Variants in FUBP1 observed in about 807,000 individuals in gnomAD.
FUBP1 encodes far upstream element-binding protein 1.
FUBP1 carries 16 observed loss-of-function variants against 94.9 expected under a neutral mutation model. That is an observed-to-expected ratio of 0.17 (90% CI 0.11 to 0.26). The LOEUF (loss-of-function observed/expected upper bound fraction) is 0.26, where lower values mean the gene tolerates loss of function less well. Ranked by LOEUF, FUBP1 falls within the 10% of genes least tolerant of loss-of-function variation. The pLI is 1.00. For missense variants in FUBP1, 583 were observed against 808.6 expected, an observed-to-expected ratio of 0.72 and a Z score of 3.38; for synonymous variants, 279 against 254.9, an observed-to-expected ratio of 1.09 and a Z score of -0.90.
chr1:77,966,181 G>C (rs1372599590), intron 7 of FUBP1, among the ~76,000 whole-genome samples: 5 of 152,196 alleles, frequency 3.3e-5, no homozygotes, highest in Non-Finnish European at 7.3e-5. Context: ...AAAAATGAAG[G>C]CTGGTAGGTT....
chr1:77,969,665 C>T (rs1189552502), intron 2 of FUBP1, among the ~76,000 whole-genome samples: 2 of 151,934 alleles, frequency 1.3e-5, no homozygotes, highest in African/African-American at 4.8e-5. Context: ...TTCAATCTGG[C>T]ACAATCCTAA....
intron 18 of FUBP1, among the ~76,000 whole-genome samples, chr1:77,951,320 T>C (rs949493564): frequency 6.6e-6 from 1 of 152,204 alleles, no homozygotes; most frequent in African/African-American, 2.4e-5. Context: ...GGAAAGCTAA[T>C]AGTAAACACT....
Position 77,947,840 on chromosome 1 carries a change from A to G in FUBP1, c.*926T>C, listed in dbSNP as rs557916218. ...CATTTATGTTTCAATGGCAGATGCA[A>G]TGTAGCTATACTTTTTGCACACTAT... On this transcript the variant is annotated 3_prime_UTR_variant, in exon 20 of 20. Coordinates refer to ENST00000370768, the MANE Select transcript of FUBP1 (RefSeq NM_003902.5). The G allele has an allele frequency of 4.5e-4, 516 of 1,135,414 alleles. No individual in the cohort carries two copies. Among genetic ancestry groups the G allele is most frequent in the Non-Finnish European group, 5.5e-4 (497 of 905,156 alleles). 70.3% of individuals were successfully genotyped at this position (1,135,414 alleles called of 1,614,324 possible).
intron 1 of FUBP1, among the ~76,000 whole-genome samples, chr1:77,970,490 T>C (rs1267792428): frequency 6.6e-6 from 1 of 152,194 alleles, no homozygotes; most frequent in Non-Finnish European, 1.5e-5. Context: ...TCACTGAATA[T>C]TGAAAACCTG....
In FUBP1 at chr1:77,948,376, A is replaced by G. The variant is rs1429253133; in HGVS notation, c.*390T>C. On this transcript the variant is annotated 3_prime_UTR_variant, in exon 20 of 20. Transcript: ENST00000370768. ...TGCTAAGAAATTATGAATCCTTTAA[A>G]TACCCACATATCCAACTTACCGACA... The G allele has an allele frequency of 4.7e-6, 5 of 1,062,440 alleles. No homozygotes were observed. Among genetic ancestry groups the G allele is most frequent in the Non-Finnish European group, 5.7e-6 (5 of 873,556 alleles). The allele number at this position is 1,062,440 out of a possible 1,614,324, so 65.8% of individuals were successfully genotyped here. A position where few individuals can be genotyped will look rare whatever the true frequency, so the allele number is the denominator to read the frequency against.
At chr1:77,970,573 A>C (rs1410054766) in intron 1 of FUBP1, among the ~76,000 whole-genome samples, 1 of 152,238 alleles carries the variant, frequency 6.6e-6, no homozygotes, top group Non-Finnish European at 1.5e-5. Context: ...GCTGGGTTAA[A>C]CAAAACATGT....
chr1:77,976,526 G>A (rs1258686263), intron 1 of FUBP1, among the ~76,000 whole-genome samples: 1 of 150,480 alleles, frequency 6.6e-6, no homozygotes, highest in Middle Eastern at 3.4e-3. Flanking sequence ...ACAGGGTCTC[G>A]CTCTATGACC....
At chr1:77,951,250 A>G (rs1653407251) in intron 18 of FUBP1, among the ~76,000 whole-genome samples, 1 of 152,248 alleles carries the variant, frequency 6.6e-6, no homozygotes, top group Non-Finnish European at 1.5e-5. Flanking sequence ...ATATGCATCA[A>G]GAAAATTCAT....
rs1651764968 is a variant in FUBP1 at position 77,944,587 on chromosome 1, C to T, written c.*4179G>A. ...GCAGAAAATAAAAACAAGACATCCTCACTGATTAGTAAACTCTACATCATT... is the reference window on the plus strand; with the variant it reads ...GCAGAAAATAAAAACAAGACATCCTTACTGATTAGTAAACTCTACATCATT... On this transcript the variant is annotated 3_prime_UTR_variant, in exon 20 of 20. Coordinates refer to ENST00000370768, the MANE Select transcript of FUBP1 (RefSeq NM_003902.5). Among the ~76,000 whole-genome samples, 1 of 151,832 alleles carries T rather than the reference C, an allele frequency of 6.6e-6. No individual in the cohort carries two copies. Among genetic ancestry groups the T allele is most frequent in the East Asian group, 1.9e-4 (1 of 5,194 alleles).
intron 13 of FUBP1, 58 bp downstream of exon 13, chr1:77,963,516 G>T: frequency 1.0e-6 from 1 of 999,662 alleles, no homozygotes; most frequent in Non-Finnish European, 1.5e-6. Context: ...GACAGCAACA[G>T]AAAGTGTCCA....
At position 77,964,037 on chromosome 1, in the gene FUBP1, T is replaced by C. The variant is rs935859331; in HGVS notation, c.1041+25A>G. ...AATACTTTTCCATAAAAACAAAAAATGAAAATGTTAACTTTCTATCAAACC... is the reference window on the plus strand; with the variant it reads ...AATACTTTTCCATAAAAACAAAAAACGAAAATGTTAACTTTCTATCAAACC... On this transcript the variant is annotated intron_variant, in intron 12 of 19. Transcript: ENST00000370768. 6 of 1,350,442 alleles carry C rather than the reference T, an allele frequency of 4.4e-6. No homozygotes were observed. In the Admixed American group the frequency reaches 6.7e-5, roughly 15 times the overall value. The allele number at this position is 1,350,442 out of a possible 1,614,324, so 83.7% of individuals were successfully genotyped here.
rs567418704 is a variant in FUBP1 at position 77,946,712 on chromosome 1, A to G, written c.*2054T>C. Reference sequence around the variant, plus strand: ...ACTACTTCTTCAGTTCAATTAATAAATGCACCACTTTCCTAAAAGGTCATC... The same window carrying G: ...ACTACTTCTTCAGTTCAATTAATAAGTGCACCACTTTCCTAAAAGGTCATC... On this transcript the variant is annotated 3_prime_UTR_variant, in exon 20 of 20. Transcript: ENST00000370768. 2.0e-4 allele frequency: 41 copies of G among 207,134 alleles called. No homozygotes were observed. The highest frequency in any genetic ancestry group is 8.8e-4 in the African/African-American group (39 of 44,070). 12.8% of individuals were successfully genotyped at this position (207,134 alleles called of 1,614,324 possible). A position where few individuals can be genotyped will look rare whatever the true frequency, so the allele number is the denominator to read the frequency against.
At chr1:77,950,635 A>C (rs1483715984) in intron 18 of FUBP1, among the ~76,000 whole-genome samples, 1 of 152,168 alleles carries the variant, frequency 6.6e-6, no homozygotes, top group Non-Finnish European at 1.5e-5. Flanking sequence ...TAAAAAATTG[A>C]GAAGAGAGAG....
chr1:77,970,202 AATC>A (rs2102458761), intron 1 of FUBP1, among the ~76,000 whole-genome samples, 187 bp from the exon 2 acceptor site: 1 of 152,332 alleles, frequency 6.6e-6, no homozygotes, highest in East Asian at 1.9e-4. Flanking sequence ...TTAACATAAT[AATC>A]ATAAGATTAT....
At position 77,965,103 on chromosome 1, in the gene FUBP1, A is replaced by G. The variant is rs761098976; in HGVS notation, c.602T>C (p.Ile201Thr). 6.2e-7 allele frequency: 1 copy of G among 1,612,230 alleles called. No homozygotes were observed. The highest frequency in any genetic ancestry group is 8.5e-7 in the Non-Finnish European group (1 of 1,178,390). The change falls in exon 8 of 20, where the codon ATT becomes ACT. Residue 201 changes from isoleucine (I) to threonine (T), a missense_variant. Ile to Thr is a moderately conservative substitution (Grantham distance 89). Coordinates refer to ENST00000370768, the MANE Select transcript of FUBP1 (RefSeq NM_003902.5). ...TTTAATAGTTTCTCCCCCTTTTCCA[A>G]TGACTAATCCTGCCTTGCTAGCTGG... ...MIPASKAGLV[I>T]GKGGETIKQL...
At chr1:77,959,504 T>C (rs1555798) in intron 16 of FUBP1, among the ~76,000 whole-genome samples, 13,749 of 152,138 alleles carry the variant, frequency 0.09, 818 homozygotes, top group Admixed American at 0.18. Context: ...CTTAACACTC[T>C]GTTGGACTGT....
At chr1:77,967,767 A>T in intron 3 of FUBP1, 101 bp from the exon 4 acceptor site, 1 of 737,924 alleles carries the variant, frequency 1.4e-6, no homozygotes, top group Non-Finnish European at 2.2e-6. Context: ...ATCTCTCCCT[A>T]ATGCACAGAC....
At position 77,945,378 on chromosome 1, in the gene FUBP1, G is replaced by A; in HGVS notation, c.*3388C>T. ...AACTTAAGAAATTTAACAGTTCATG[G>A]AACATTTAAGATCAAGTGAATAGCA... On this transcript the variant is annotated 3_prime_UTR_variant, in exon 20 of 20. Transcript: ENST00000370768. 1 of 212,880 alleles carries A rather than the reference G, an allele frequency of 4.7e-6. No individual in the cohort carries two copies. Among genetic ancestry groups the A allele is most frequent in the Non-Finnish European group, 9.5e-6 (1 of 105,244 alleles). The allele number at this position is 212,880 out of a possible 1,614,324, so 13.2% of individuals were successfully genotyped here.
intron 16 of FUBP1, among the ~76,000 whole-genome samples, chr1:77,956,917 T>C (rs1654571761): frequency 6.6e-6 from 1 of 152,206 alleles, no homozygotes; most frequent in Non-Finnish European, 1.5e-5. Context: ...CTAAGTGACT[T>C]TCCTAGGTTA....
Sources: gnomAD v4.1 joint callset for allele counts (sites outside exome capture counted in the v4.1 genomes callset) on GRCh38, gnomAD v4.1.1 for gene constraint, MANE v1.5 for transcripts, NCBI Gene and HGNC (gene_info 2026-07-23, HGNC 2026-07-21) for gene names.